GRIK2: variants seen among roughly 807,000 people sequenced by gnomAD.
GRIK2 encodes the protein glutamate ionotropic receptor kainate type subunit 2, also known as glutamate receptor ionotropic, kainate 2.
Under a neutral mutation model 100.3 loss-of-function variants are expected in GRIK2, and 32 were observed. That is an observed-to-expected ratio of 0.32 (90% CI 0.24 to 0.43). The LOEUF is 0.43. Among genes scored for constraint, GRIK2 ranks in the 20% least tolerant of loss-of-function variants. GRIK2 has a pLI of 1.00. For missense variants in GRIK2, 843 were observed against 1,114.9 expected, an observed-to-expected ratio of 0.76 and a Z score of 3.47; for synonymous variants, 417 against 389.4, an observed-to-expected ratio of 1.07 and a Z score of -0.83.
intron 10 of GRIK2, among the ~76,000 whole-genome samples, chr6:101,855,732 T>A (rs760148850): frequency 1.3e-5 from 2 of 152,140 alleles, no homozygotes; most frequent in African/African-American, 2.4e-5. Flanking sequence ...CCAGTTTTAA[T>A]GAAAAGCCAC....
chr6:101,832,134 A>C (rs573966477), intron 10 of GRIK2, among the ~76,000 whole-genome samples: 13 of 152,216 alleles, frequency 8.5e-5, no homozygotes, highest in African/African-American at 3.1e-4. Flanking sequence ...TCATTTACAA[A>C]TAATGTAATA....
intron 2 of GRIK2, among the ~76,000 whole-genome samples, chr6:101,553,889 A>T (rs570752358): frequency 3.9e-5 from 6 of 152,280 alleles, no homozygotes; most frequent in Admixed American, 3.3e-4. Flanking sequence ...GAATCACAGT[A>T]CTCACTTTGT....
chr6:101,451,644 G>C (rs1049521839), intron 2 of GRIK2, among the ~76,000 whole-genome samples: 42 of 143,864 alleles, frequency 2.9e-4, no homozygotes, highest in African/African-American at 1.0e-3. Flanking sequence ...TAATTATTTT[G>C]TGAACCTGAA....
At chr6:101,996,650 G>T (rs1053483812) in intron 14 of GRIK2, among the ~76,000 whole-genome samples, 2 of 152,082 alleles carry the variant, frequency 1.3e-5, no homozygotes, top group Non-Finnish European at 2.9e-5. Context: ...CTGAAGAGTA[G>T]ACGTATTTTG....
chr6:101,624,940 T>G (rs982137796), intron 3 of GRIK2, among the ~76,000 whole-genome samples: 1 of 152,166 alleles, frequency 6.6e-6, no homozygotes, highest in African/African-American at 2.4e-5. Context: ...TTTGTTTTTC[T>G]TTTTGTTTTA....
chr6:101,544,262 A>G (rs923610577), intron 2 of GRIK2, among the ~76,000 whole-genome samples: 3 of 152,174 alleles, frequency 2.0e-5, no homozygotes, highest in Non-Finnish European at 4.4e-5. Context: ...ATTGAAAACT[A>G]TGCTGGAGAA....
chr6:101,834,107 G>A (rs1782889537), intron 10 of GRIK2, among the ~76,000 whole-genome samples: 1 of 151,794 alleles, frequency 6.6e-6, no homozygotes, highest in South Asian at 2.1e-4. Flanking sequence ...ATTGTGCACT[G>A]ATATATAACC....
intron 16 of GRIK2, among the ~76,000 whole-genome samples, chr6:102,067,642 G>C (rs765837810): frequency 2.0e-5 from 3 of 151,662 alleles, no homozygotes; most frequent in Non-Finnish European, 4.4e-5. Flanking sequence ...GCAACATAGG[G>C]TCATATTTTT....
chr6:101,983,308 T>C (rs1793826043), intron 14 of GRIK2, among the ~76,000 whole-genome samples: 3 of 151,840 alleles, frequency 2.0e-5, no homozygotes. Flanking sequence ...AAATGATGGT[T>C]GTTTTTGCAT....
chr6:101,471,977 G>T (rs1387156647), intron 2 of GRIK2, among the ~76,000 whole-genome samples: 1 of 144,264 alleles, frequency 6.9e-6, no homozygotes, highest in African/African-American at 2.4e-5. Flanking sequence ...CTTCATTAAA[G>T]AATGATTTTT....
At chr6:101,802,900 G>A (rs1780761389) in intron 9 of GRIK2, among the ~76,000 whole-genome samples, 1 of 151,466 alleles carries the variant, frequency 6.6e-6, no homozygotes, top group Non-Finnish European at 1.5e-5. Flanking sequence ...CAGTAACTAG[G>A]GTATATACAT....
Position 101,889,880 on chromosome 6 carries a change from T to C in GRIK2, c.1748+17T>C, listed in dbSNP as rs1315766626. 6.5e-7 allele frequency: 1 copy of C among 1,535,510 alleles called. No individual in the cohort carries two copies. Among genetic ancestry groups the C allele is most frequent in the Non-Finnish European group, 9.0e-7 (1 of 1,110,062 alleles). ...CATAGCCAGGTAACATGCTCACTTT[T>C]GTGATTTTTTTGGCAATTGTTACCT... On this transcript the variant is annotated intron_variant, in intron 12 of 16. Transcript: ENST00000369134.
intron 15 of GRIK2, among the ~76,000 whole-genome samples, chr6:102,045,646 G>T (rs556878509): frequency 2.0e-5 from 3 of 151,952 alleles, no homozygotes; most frequent in Non-Finnish European, 4.4e-5. Context: ...ATCTAATAAT[G>T]CAAAGAACTT....
chr6:101,684,903 C>A (rs1464683463), intron 6 of GRIK2, among the ~76,000 whole-genome samples: 1 of 152,002 alleles, frequency 6.6e-6, no homozygotes, highest in Non-Finnish European at 1.5e-5. Context: ...GTCTTATGAC[C>A]TCCTTTCTGT....
chr6:101,970,735 C>T (rs535134318), intron 14 of GRIK2, among the ~76,000 whole-genome samples: 1 of 144,364 alleles, frequency 6.9e-6, no homozygotes, highest in East Asian at 2.0e-4. Context: ...GCAAATACAT[C>T]CTGCAATTGT....
intron 14 of GRIK2, among the ~76,000 whole-genome samples, chr6:101,991,199 A>T (rs191387609): frequency 6.3e-4 from 96 of 151,898 alleles, no homozygotes; most frequent in African/African-American, 2.3e-3. Context: ...TTCACTCTTT[A>T]TTGAGACTTT....
At chr6:101,533,153 G>A (rs1775524505) in intron 2 of GRIK2, among the ~76,000 whole-genome samples, 1 of 151,848 alleles carries the variant, frequency 6.6e-6, no homozygotes, top group East Asian at 1.9e-4. Context: ...TTTGAGGCCA[G>A]TTTATAGAGG....
At chr6:101,537,260 C>A (rs1775747434) in intron 2 of GRIK2, among the ~76,000 whole-genome samples, 1 of 151,616 alleles carries the variant, frequency 6.6e-6, no homozygotes, top group Admixed American at 6.6e-5. Flanking sequence ...TTGTATTTTT[C>A]CCATATTGTT....
chr6:101,443,398 A>C (rs1562141690), intron 2 of GRIK2, among the ~76,000 whole-genome samples: 1 of 152,170 alleles, frequency 6.6e-6, no homozygotes, highest in Admixed American at 6.6e-5. Flanking sequence ...AAAGCACTAA[A>C]AATACCTAGT....
Sources: gnomAD v4.1 joint callset for allele counts (sites outside exome capture counted in the v4.1 genomes callset) on GRCh38, gnomAD v4.1.1 for gene constraint, MANE v1.5 for transcripts, NCBI Gene and HGNC (gene_info 2026-07-23, HGNC 2026-07-21) for gene names.